VPS13B: variants seen among roughly 807,000 people sequenced by gnomAD.
VPS13B encodes intermembrane lipid transfer protein VPS13B.
VPS13B carries 285 observed loss-of-function variants against 426.4 expected under a neutral mutation model. The observed-to-expected ratio is 0.67, with a 90% CI of 0.61 to 0.74. The LOEUF is 0.74. VPS13B is among the 30% of genes least tolerant of loss of function. VPS13B has a pLI of 0.00. For missense variants in VPS13B, 4,537 were observed against 4,782.6 expected (o/e 0.95, Z 1.51); for synonymous variants, 1,676 against 1,676.4 (o/e 1.00, Z 0.01).
At chr8:99,599,528 G>A (rs1378917708) in intron 33 of VPS13B, among the ~76,000 whole-genome samples, 1 of 152,002 alleles carries the variant, frequency 6.6e-6, no homozygotes, top group African/African-American at 2.4e-5. Context: ...ATAATTAAGG[G>A]TCCGTGGTTT....
At chr8:99,665,658 G>T (rs1830456592) in intron 35 of VPS13B, among the ~76,000 whole-genome samples, 1 of 152,130 alleles carries the variant, frequency 6.6e-6, no homozygotes, top group Non-Finnish European at 1.5e-5. Flanking sequence ...TGAGGGCTCT[G>T]TTCTGTTCCA....
chr8:99,655,966 T>C (rs1830005134), intron 34 of VPS13B, among the ~76,000 whole-genome samples: 1 of 152,190 alleles, frequency 6.6e-6, no homozygotes, highest in Admixed American at 6.5e-5. Context: ...GAAGGGTTTT[T>C]TCTGAAGAAG....
At chr8:99,677,776 A>G (rs988643940) in intron 35 of VPS13B, among the ~76,000 whole-genome samples, 1 of 152,164 alleles carries the variant, frequency 6.6e-6, no homozygotes, top group Non-Finnish European at 1.5e-5. Flanking sequence ...TAATTCTGTT[A>G]GAATTATTTC....
At chr8:99,030,461 A>AGTGTGTGTGT (rs34944940) in intron 2 of VPS13B, among the ~76,000 whole-genome samples, 13 of 144,788 alleles carry the variant, frequency 9.0e-5, no homozygotes, top group East Asian at 2.0e-4. Context: ...TGAGTGAGTG[A>AGTGTGTGTGT]GTGTGTGTGT....
At chr8:99,336,703 G>A (rs1410866569) in intron 19 of VPS13B, among the ~76,000 whole-genome samples, 1 of 152,104 alleles carries the variant, frequency 6.6e-6, no homozygotes, top group African/African-American at 2.4e-5. Context: ...GTGGGTGAAG[G>A]ATATGAACAG....
chr8:99,511,584 T>C, intron 29 of VPS13B, 72 bp downstream of exon 29: 11 of 1,489,828 alleles, frequency 7.4e-6, no homozygotes, highest in Non-Finnish European at 1.0e-5. Context: ...TCTGGGTTTT[T>C]TTGTTTCTTT....
rs759415088 is a variant in VPS13B at position 99,871,445 on chromosome 8, C to A, written c.11496-3C>A. 1.2e-6 allele frequency: 2 copies of A among 1,614,130 alleles called. No homozygotes were observed. The highest frequency in any genetic ancestry group is 1.7e-5 in the Admixed American group (1 of 60,020). Reference sequence around the variant, plus strand: ...CTGGCCTCACTTTTCTCCTTTTAAACAGGAAAATGCTTCAGTCTCTGGGCA... The same window carrying A: ...CTGGCCTCACTTTTCTCCTTTTAAAAAGGAAAATGCTTCAGTCTCTGGGCA... On this transcript the variant is annotated splice_polypyrimidine_tract_variant and splice_region_variant and intron_variant, in intron 60 of 61. Coordinates refer to ENST00000357162, the MANE Select transcript of VPS13B (RefSeq NM_152564.5).
intron 33 of VPS13B, among the ~76,000 whole-genome samples, chr8:99,609,576 A>G (rs148869079): frequency 2.0e-5 from 3 of 152,322 alleles, no homozygotes; most frequent in African/African-American, 7.2e-5. Context: ...TAAAGAAATC[A>G]GTTAGTACAG....
In VPS13B at chr8:99,871,574, T is replaced by G; in HGVS notation, c.11622T>G (p.Ser3874Arg). Residue 3874 changes from serine (S) to arginine (R), a missense_variant, in exon 61 of 62, where the codon AGT (serine) becomes AGG (arginine). Physicochemically the swap from Ser to Arg is moderately radical, Grantham distance 110 (BLOSUM62 -1). Transcript: ENST00000357162. ...LLTSEVLFVV[S>R]VSEDTQQQAF... ...CATCAGAAGTGCTCTTCGTGGTGAG[T>G]GTCAGTGAGGACACACAGCAGCAGG... is the stretch of plus-strand genomic sequence containing the variant. 2 of 1,614,126 alleles carry G rather than the reference T, an allele frequency of 1.2e-6. No individual in the cohort carries two copies.
intron 17 of VPS13B, among the ~76,000 whole-genome samples, chr8:99,262,125 CTT>C (rs1189703958): frequency 6.6e-6 from 1 of 152,090 alleles, no homozygotes. Flanking sequence ...ACTGTACAGA[CTT>C]TGTGTTTTGT....
intron 34 of VPS13B, among the ~76,000 whole-genome samples, chr8:99,658,009 T>C (rs1830083690): frequency 6.6e-6 from 1 of 152,226 alleles, no homozygotes; most frequent in Non-Finnish European, 1.5e-5. Flanking sequence ...ATTGTATTTC[T>C]TGTTTTAATT....
intron 3 of VPS13B, among the ~76,000 whole-genome samples, chr8:99,073,699 CTTTTTTTTTTTT>C (rs71273160): frequency 1.2e-5 from 1 of 83,572 alleles, no homozygotes; most frequent in Non-Finnish European, 2.4e-5. Flanking sequence ...ATTTTCTTTC[CTTTTTTTTTTTT>C]TTTTTTTTGG....
chr8:99,302,351 A>C (rs993994699), intron 19 of VPS13B, among the ~76,000 whole-genome samples: 38 of 152,224 alleles, frequency 2.5e-4, no homozygotes, highest in African/African-American at 8.7e-4. Context: ...TTGACAATGC[A>C]TTTAATATGC....
intron 23 of VPS13B, among the ~76,000 whole-genome samples, chr8:99,463,822 A>T (rs941976987): frequency 2.6e-5 from 4 of 152,024 alleles, no homozygotes; most frequent in Non-Finnish European, 5.9e-5. Context: ...CCTCCCAAGT[A>T]GCTGGGATTA....
At chr8:99,720,812 T>A in intron 38 of VPS13B, 51 bp from the exon 39 acceptor site, 1 of 1,523,696 alleles carries the variant, frequency 6.6e-7, no homozygotes, top group Non-Finnish European at 9.0e-7. Flanking sequence ...TTTTTCCCCT[T>A]TGTCATGTTC....
chr8:99,867,150 C>A (rs1817149633), intron 58 of VPS13B, among the ~76,000 whole-genome samples: 1 of 152,176 alleles, frequency 6.6e-6, no homozygotes. Flanking sequence ...AGAGCATTTT[C>A]ATCACTCCTA....
At chr8:99,432,355 A>T (rs1024963090) in intron 22 of VPS13B, among the ~76,000 whole-genome samples, 2 of 152,140 alleles carry the variant, frequency 1.3e-5, no homozygotes, top group African/African-American at 4.8e-5. Flanking sequence ...GACTTAAGAT[A>T]TAAAAGTTGC....
chr8:99,640,271 A>ATTTTTG (rs993147481), intron 33 of VPS13B, among the ~76,000 whole-genome samples: 1 of 151,244 alleles, frequency 6.6e-6, no homozygotes, highest in Non-Finnish European at 1.5e-5. Context: ...TTTTAAAAAT[A>ATTTTTG]TTTTTGTTTT....
At chr8:99,620,392 G>A (rs1011911908) in intron 33 of VPS13B, among the ~76,000 whole-genome samples, 1 of 152,052 alleles carries the variant, frequency 6.6e-6, no homozygotes, top group African/African-American at 2.4e-5. Flanking sequence ...AAACTCCTTG[G>A]CCTTAACTTT....
Sources: allele counts gnomAD v4.1 joint callset (sites outside exome capture counted in the v4.1 genomes callset), GRCh38; gene constraint gnomAD v4.1.1; transcripts MANE v1.5; gene names NCBI Gene and HGNC (gene_info 2026-07-23, HGNC 2026-07-21).